Variants in PIR observed in about 807,000 individuals in gnomAD.
PIR encodes the protein pirin (iron-binding nuclear protein).
In PIR, 22 loss-of-function variants were observed where a neutral mutation model predicts 24.2. That is an observed-to-expected ratio of 0.91 (90% CI 0.65 to 1.30). The LOEUF (loss-of-function observed/expected upper bound fraction) is 1.30. PIR is among the 50% of genes most tolerant of loss of function. The probability of loss-of-function intolerance (pLI) is 0.00; values close to 1 mark genes in which losing one functional copy is unlikely to be tolerated. For missense variants in PIR, 220 were observed against 220.3 expected, an observed-to-expected ratio of 1.00 and a Z score of 0.01; for synonymous variants, 80 against 79.6, an observed-to-expected ratio of 1.00 and a Z score of -0.03.
Position 15,407,511 on chromosome X carries a change from T to C in PIR, c.605A>G (p.Tyr202Cys). Residue 202 changes from tyrosine to cysteine, a missense_variant, in exon 7 of 10, where the codon TAT becomes TGT. Transcript: ENST00000380420. ...SFIYTISGDV[Y>C]IGPDDAQQKI... ...GTGACACAGCCATAACTTACCAATATACACATCTCCAGATATCGTGTAAAT... is the reference window on the plus strand; with the variant it reads ...GTGACACAGCCATAACTTACCAATACACACATCTCCAGATATCGTGTAAAT... The C allele has an allele frequency of 1.7e-6, 2 of 1,198,752 alleles. No individual in the cohort carries two copies. Among genetic ancestry groups the C allele is most frequent in the African/African-American group, 1.7e-5 (1 of 57,525 alleles).
At chrX:15,456,155 G>A (rs1921076927) in intron 4 of PIR, 101 bp from the exon 5 acceptor site, 4 of 683,099 alleles carry the variant, frequency 5.9e-6, no homozygotes, top group African/African-American at 2.1e-5. Flanking sequence ...CATCTTACCA[G>A]TGCTGCTATC....
At chrX:15,473,185 C>T (rs909665507) in intron 3 of PIR, among the ~76,000 whole-genome samples, 2 of 111,702 alleles carry the variant, frequency 1.8e-5, no homozygotes, top group Non-Finnish European at 3.8e-5. Flanking sequence ...GGTGATTTTG[C>T]CCTCTCTCAC....
intron 5 of PIR, among the ~76,000 whole-genome samples, chrX:15,435,443 G>C (rs999483941): frequency 6.3e-5 from 7 of 111,240 alleles, no homozygotes; most frequent in African/African-American, 2.3e-4. Context: ...TATATATTTG[G>C]GTCTAGTTCA....
At chrX:15,453,839 A>AT (rs1479812343) in intron 5 of PIR, among the ~76,000 whole-genome samples, 3 of 111,961 alleles carry the variant, frequency 2.7e-5, no homozygotes, top group Non-Finnish European at 5.6e-5. Flanking sequence ...AGGATTCGTG[A>AT]TATCACTGGC....
At chrX:15,448,283 G>A (rs1926174568) in intron 5 of PIR, among the ~76,000 whole-genome samples, 1 of 112,294 alleles carries the variant, frequency 8.9e-6, no homozygotes, top group Non-Finnish European at 1.9e-5. Flanking sequence ...AAGTTGCTGG[G>A]TACATTTCTT....
chrX:15,443,390 C>T (rs1002152824), intron 5 of PIR, among the ~76,000 whole-genome samples: 2 of 111,517 alleles, frequency 1.8e-5, no homozygotes, highest in African/African-American at 6.5e-5. Context: ...AATGGGCCTG[C>T]TAACACAACA....
chrX:15,470,451 T>C (rs1921826621), intron 3 of PIR, among the ~76,000 whole-genome samples: 1 of 111,599 alleles, frequency 9.0e-6, no homozygotes, highest in Non-Finnish European at 1.9e-5. Context: ...CATTTAATGA[T>C]CTATGTTAAT....
intron 5 of PIR, chrX:15,429,366 GA>G (rs1297603549): frequency 8.9e-6 from 1 of 111,980 alleles, no homozygotes; most frequent in African/African-American, 3.3e-5. Context: ...CTCACAGTGT[GA>G]AAAAGTCTAA....
chrX:15,459,373 A>C (rs112602157), intron 4 of PIR, among the ~76,000 whole-genome samples: 3,530 of 111,853 alleles, frequency 0.032, 147 homozygotes, highest in African/African-American at 0.11. Flanking sequence ...AAACGAATGA[A>C]AGATAAGGAA....
At chrX:15,445,529 TATA>T (rs1300158198) in intron 5 of PIR, among the ~76,000 whole-genome samples, 1 of 111,852 alleles carries the variant, frequency 8.9e-6, no homozygotes, top group Non-Finnish European at 1.9e-5. Flanking sequence ...CAACTTAAAG[TATA>T]ATAATAATTA....
chrX:15,458,276 T>C (rs1921161074), intron 4 of PIR, among the ~76,000 whole-genome samples: 1 of 111,859 alleles, frequency 8.9e-6, no homozygotes, highest in Non-Finnish European at 1.9e-5. Flanking sequence ...TCTGAGGCTA[T>C]GGGCATCTGT....
At chrX:15,397,849 T>G (rs1924223039) in intron 7 of PIR, among the ~76,000 whole-genome samples, 1 of 112,089 alleles carries the variant, frequency 8.9e-6, no homozygotes, top group South Asian at 3.7e-4. Flanking sequence ...GAATTAAAAA[T>G]AGTTAGAAAA....
At chrX:15,425,411 C>CTTTTTTTTTTTTTTTTTT (rs756160029) in intron 6 of PIR, among the ~76,000 whole-genome samples, 1 of 92,113 alleles carries the variant, frequency 1.1e-5, no homozygotes, top group African/African-American at 4.2e-5. Context: ...TTCTTTCTTT[C>CTTTTTTTTTTTTTTTTTT]TTTTTTTTTT....
chrX:15,491,036 G>T, intron 2 of PIR, 126 bp downstream of exon 2: 1 of 472,411 alleles, frequency 2.1e-6, no homozygotes, highest in Non-Finnish European at 3.6e-6. Context: ...AAACTTTAAA[G>T]TTTGCACTTA....
intron 6 of PIR, among the ~76,000 whole-genome samples, chrX:15,416,171 T>C (rs1036497424): frequency 1.8e-5 from 2 of 112,009 alleles, no homozygotes; most frequent in African/African-American, 6.5e-5. Flanking sequence ...TGAAGACCTA[T>C]AGATTTACAT....
chrX:15,424,368 A>G (rs1000933402), intron 6 of PIR, among the ~76,000 whole-genome samples: 12 of 112,105 alleles, frequency 1.1e-4, no homozygotes, highest in African/African-American at 3.9e-4. Context: ...TAAAGATCTC[A>G]TGAAGACTGG....
chrX:15,404,880 C>G (rs1435578552), intron 7 of PIR, among the ~76,000 whole-genome samples: 1 of 111,654 alleles, frequency 9.0e-6, no homozygotes, highest in East Asian at 2.8e-4. Flanking sequence ...GAGCTGGATT[C>G]TCTTCACAGT....
intron 5 of PIR, chrX:15,429,519 C>T (rs1925430410): frequency 9.0e-6 from 1 of 111,613 alleles, no homozygotes; most frequent in Non-Finnish European, 1.9e-5. Flanking sequence ...TAATAAACTA[C>T]CCCAAAGCCT....
intron 5 of PIR, among the ~76,000 whole-genome samples, chrX:15,446,439 T>C (rs1165760250): frequency 9.1e-6 from 1 of 110,212 alleles, no homozygotes; most frequent in Non-Finnish European, 1.9e-5. Flanking sequence ...ACACATAAAA[T>C]ACACTAACAT....
Sources: gnomAD v4.1 joint callset for allele counts (sites outside exome capture counted in the v4.1 genomes callset) on GRCh38, gnomAD v4.1.1 for gene constraint, MANE v1.5 for transcripts, NCBI Gene and HGNC (gene_info 2026-07-23, HGNC 2026-07-21) for gene names.